Variants in CLCN5 observed in about 807,000 individuals in gnomAD.
CLCN5 encodes the protein H(+)/Cl(-) exchange transporter 5.
Under a neutral mutation model 54.0 loss-of-function variants are expected in CLCN5, and 17 were observed. The observed-to-expected ratio is 0.31, with a 90% CI of 0.22 to 0.47. CLCN5 has a LOEUF of 0.47. CLCN5 is among the 20% of genes least tolerant of loss of function. CLCN5 has a pLI of 1.00. For synonymous variants in CLCN5, 222 were observed against 233.0 expected, an observed-to-expected ratio of 0.95 and a Z score of 0.43; for missense variants, 448 against 646.7, an observed-to-expected ratio of 0.69 and a Z score of 3.33.
At chrX:49,959,529 C>A (rs1927496980) in intron 3 of CLCN5, among the ~76,000 whole-genome samples, 1 of 111,966 alleles carries the variant, frequency 8.9e-6, no homozygotes, top group African/African-American at 3.2e-5. Flanking sequence ...AGAACTCTTT[C>A]CCTTGATGAC....
intron 4 of CLCN5, among the ~76,000 whole-genome samples, chrX:50,057,993 AT>A (rs1388139094): frequency 9.0e-6 from 1 of 111,350 alleles, no homozygotes; most frequent in Non-Finnish European, 1.9e-5. Flanking sequence ...GGCTCTTAGT[AT>A]TTGCTGTTGA....
intron 3 of CLCN5, among the ~76,000 whole-genome samples, chrX:49,992,164 C>T (rs1285477813): frequency 3.7e-5 from 4 of 108,357 alleles, no homozygotes; most frequent in Admixed American, 3.0e-4. Flanking sequence ...ATCTGCAAAA[C>T]GGTCCCGGGG....
At chrX:50,075,057 T>C (rs782515279) in intron 6 of CLCN5, among the ~76,000 whole-genome samples, 1 of 112,126 alleles carries the variant, frequency 8.9e-6, no homozygotes, top group Non-Finnish European at 1.9e-5. Flanking sequence ...GTGAATGTTC[T>C]GTGTATAATA....
In CLCN5 at chrX:50,086,825, A is replaced by G. The variant is rs781908359; in HGVS notation, c.1512A>G (p.Thr504=). Residue 504 remains threonine (T), a synonymous_variant, in exon 11 of 15, where the codon ACA becomes ACG. Transcript: ENST00000376091. The part of the protein sequence containing the change: ...VYSAMWQLAL[T]LILKIVITIF... ...GTGCAATGTGGCAGCTGGCTTTAAC[A>G]CTCATACTGAAAATTGTCATTACTA... The G allele has an allele frequency of 2.5e-6, 3 of 1,210,923 alleles. No homozygotes were observed. Among genetic ancestry groups the G allele is most frequent in the Non-Finnish European group, 3.4e-6 (3 of 895,313 alleles).
chrX:50,008,538 G>A (rs374407854), intron 3 of CLCN5: 18 of 338,449 alleles, frequency 5.3e-5, no homozygotes, highest in East Asian at 2.4e-4. Flanking sequence ...AGGACAGAGC[G>A]TCTTTCTGTC....
At chrX:49,935,208 C>T (rs1557169448) in intron 3 of CLCN5, among the ~76,000 whole-genome samples, 2 of 111,879 alleles carry the variant, frequency 1.8e-5, no homozygotes, top group African/African-American at 6.5e-5. Context: ...TTTCTTGCTC[C>T]CCCTTACCTG....
In CLCN5 at chrX:50,098,625, C is replaced by T. The variant is rs1182821540; in HGVS notation, c.*6406C>T. On this transcript the variant is annotated 3_prime_UTR_variant, in exon 15 of 15. Coordinates refer to ENST00000376091, the MANE Select transcript of CLCN5 (RefSeq NM_001127898.4). The stretch of plus-strand genomic sequence containing the variant: ...TGTCTAGACATCAGCAGTAACTAGG[C>T]ATCCAGAAAGTAGCTTCAACCAAAG... The T allele has an allele frequency of 2.7e-5, 3 of 113,097 alleles. No homozygotes were observed. Among genetic ancestry groups the T allele is most frequent in the Non-Finnish European group, 5.6e-5 (3 of 53,389 alleles). The allele number at this position is 113,097 out of a possible 1,213,427, so 9.3% of individuals were successfully genotyped here. A position where few individuals can be genotyped will look rare whatever the true frequency, so the allele number is the denominator to read the frequency against.
At chrX:50,058,164 G>T (rs183003737) in intron 4 of CLCN5, among the ~76,000 whole-genome samples, 1 of 111,646 alleles carries the variant, frequency 9.0e-6, no homozygotes, top group African/African-American at 3.3e-5. Flanking sequence ...CAAGTCCTGT[G>T]ATATATACCA....
At chrX:49,995,664 G>A (rs1378111130) in intron 3 of CLCN5, among the ~76,000 whole-genome samples, 6 of 112,135 alleles carry the variant, frequency 5.4e-5, no homozygotes, top group African/African-American at 1.9e-4. Context: ...ATGGTAAGAC[G>A]TAATAAGTTT....
intron 3 of CLCN5, among the ~76,000 whole-genome samples, chrX:49,930,441 G>A (rs1044643226): frequency 8.9e-6 from 1 of 112,228 alleles, no homozygotes; most frequent in Non-Finnish European, 1.9e-5. Flanking sequence ...GGGAAAAATT[G>A]AAAACACTTG....
intron 3 of CLCN5, among the ~76,000 whole-genome samples, chrX:50,018,564 T>C (rs1014964607): frequency 7.1e-5 from 8 of 112,134 alleles, no homozygotes; most frequent in Admixed American, 6.6e-4. Context: ...TCTTGAGTCT[T>C]GTACAATTAA....
intron 3 of CLCN5, among the ~76,000 whole-genome samples, chrX:50,006,505 GTT>G (rs1930155717): frequency 9.0e-6 from 1 of 111,654 alleles, no homozygotes; most frequent in Non-Finnish European, 1.9e-5. Flanking sequence ...AGGGACCCTG[GTT>G]TTACTGTGGG....
chrX:50,001,544 C>T (rs1157546308), intron 3 of CLCN5, among the ~76,000 whole-genome samples: 1 of 108,209 alleles, frequency 9.2e-6, no homozygotes, highest in African/African-American at 3.4e-5. Flanking sequence ...CATACATGTG[C>T]CATGTTGGTG....
chrX:50,089,374 A>C (rs1186884303), intron 12 of CLCN5, among the ~76,000 whole-genome samples: 4 of 112,602 alleles, frequency 3.6e-5, no homozygotes, highest in African/African-American at 1.3e-4. Flanking sequence ...AACATGGCAG[A>C]AAATTAAACA....
intron 3 of CLCN5, among the ~76,000 whole-genome samples, chrX:49,996,420 G>T (rs782343603): frequency 1.9e-4 from 21 of 111,459 alleles, no homozygotes; most frequent in African/African-American, 6.8e-4. Context: ...TCCACTTGCT[G>T]CTAGACTAAA....
intron 3 of CLCN5, among the ~76,000 whole-genome samples, chrX:49,935,408 G>A (rs1197909941): frequency 2.7e-5 from 3 of 112,276 alleles, no homozygotes; most frequent in Non-Finnish European, 5.6e-5. Flanking sequence ...CATCTGCTGT[G>A]TGCCAGGCAG....
At chrX:49,996,510 C>T (rs1286430258) in intron 3 of CLCN5, among the ~76,000 whole-genome samples, 2 of 112,405 alleles carry the variant, frequency 1.8e-5, no homozygotes, top group African/African-American at 3.2e-5. Flanking sequence ...TTTGCAGCAT[C>T]GAACCCCATG....
At chrX:50,036,025 C>G (rs1274242355) in intron 3 of CLCN5, among the ~76,000 whole-genome samples, 11 of 111,849 alleles carry the variant, frequency 9.8e-5, no homozygotes, top group African/African-American at 3.6e-4. Context: ...TTGTGGCCAT[C>G]TAGAAGTTTA....
intron 3 of CLCN5, among the ~76,000 whole-genome samples, chrX:49,939,637 G>A (rs781923652): frequency 1.6e-4 from 18 of 110,251 alleles, no homozygotes; most frequent in African/African-American, 3.3e-4. Context: ...GGGGCCTGTC[G>A]TGGGGTAGGG....
Sources: allele counts gnomAD v4.1 joint callset (sites outside exome capture counted in the v4.1 genomes callset), GRCh38; gene constraint gnomAD v4.1.1; transcripts MANE v1.5; gene names NCBI Gene and HGNC (gene_info 2026-07-23, HGNC 2026-07-21).